PI4KA: variants seen among roughly 807,000 people sequenced by gnomAD.
The protein encoded by PI4KA is phosphatidylinositol 4-kinase alpha.
Under a neutral mutation model 271.4 loss-of-function variants are expected in PI4KA, and 122 were observed. The ratio of observed to expected loss-of-function variants is 0.45; its 90% CI spans 0.39 to 0.52. The LOEUF (loss-of-function observed/expected upper bound fraction) is 0.52, where lower values mean the gene tolerates loss of function less well. Among genes scored for constraint, PI4KA ranks in the 20% least tolerant of loss-of-function variants. The pLI, the probability that PI4KA is intolerant of heterozygous loss-of-function variation, is 0.00. For synonymous variants in PI4KA, 1,041 were observed against 1,078.8 expected, an observed-to-expected ratio of 0.96 and a Z score of 0.69; for missense variants, 1,969 against 2,769.1, an observed-to-expected ratio of 0.71 and a Z score of 6.48.
At chr22:20,752,241 C>T (rs1049292550) in intron 25 of PI4KA, among the ~76,000 whole-genome samples, 3 of 152,218 alleles carry the variant, frequency 2.0e-5, no homozygotes, top group South Asian at 2.1e-4. Flanking sequence ...CTCAGACACA[C>T]GCCACGTGTG....
Position 20,734,130 on chromosome 22 carries a change from C to T in PI4KA, c.3965G>A (p.Ser1322Asn). Residue 1322 changes from serine to asparagine, a missense_variant, in exon 34 of 55, where the codon AGC (serine) becomes AAC (asparagine). Transcript: ENST00000255882. ...CSSDQVEIFS[S>N]LLQRSMSLNI... Reference sequence around the variant, plus strand: ...CAGGGACATGGAGCGCTGCAGCAGGCTGGAGAAGATCTCCACTTGGTCAGA... The same window carrying T: ...CAGGGACATGGAGCGCTGCAGCAGGTTGGAGAAGATCTCCACTTGGTCAGA... 1 of 1,590,992 alleles carries T rather than the reference C, an allele frequency of 6.3e-7. No homozygotes were observed.
intron 45 of PI4KA, 22 bp from the exon 46 acceptor site, chr22:20,714,722 C>T: frequency 6.2e-7 from 1 of 1,611,028 alleles, no homozygotes; most frequent in Non-Finnish European, 8.5e-7. Context: ...CAGAGGCAGT[C>T]ACAGGGAGTG....
intron 19 of PI4KA, chr22:20,779,445 T>A (rs1307904948): frequency 6.2e-7 from 1 of 1,614,082 alleles, no homozygotes. Flanking sequence ...GTGGGAGCAG[T>A]TAAATAACAA....
chr22:20,768,802 G>C (rs774718630), intron 19 of PI4KA, among the ~76,000 whole-genome samples: 11 of 152,180 alleles, frequency 7.2e-5, no homozygotes, highest in Non-Finnish European at 1.6e-4. Context: ...CTGTGTGGAG[G>C]GCAGCAGCAG....
intron 18 of PI4KA, 86 bp from the exon 19 acceptor site, chr22:20,793,329 G>A: frequency 1.3e-6 from 1 of 768,462 alleles, no homozygotes; most frequent in Non-Finnish European, 2.2e-6. Flanking sequence ...ATAGTGTTAT[G>A]TAAACCTGGA....
intron 18 of PI4KA, 143 bp downstream of exon 18, chr22:20,796,003 C>A: frequency 1.3e-6 from 1 of 749,398 alleles, no homozygotes; most frequent in Non-Finnish European, 2.1e-6. Flanking sequence ...AAGAACCCCA[C>A]CCCTTCTTAC....
intron 3 of PI4KA, among the ~76,000 whole-genome samples, chr22:20,830,119 C>T (rs1015916722): frequency 1.3e-5 from 2 of 152,114 alleles, no homozygotes; most frequent in Admixed American, 1.3e-4. Context: ...CTGCTGCTTT[C>T]GAGTGGAGTG....
chr22:20,810,194 T>C (rs1601546895), intron 9 of PI4KA, among the ~76,000 whole-genome samples: 1 of 152,092 alleles, frequency 6.6e-6, no homozygotes, highest in South Asian at 2.1e-4. Context: ...CTGTAGGCCT[T>C]GGTTCCAAAT....
At chr22:20,742,176 C>T (rs1929533595) in intron 32 of PI4KA, 52 bp downstream of exon 32, 1 of 1,583,948 alleles carries the variant, frequency 6.3e-7, no homozygotes, top group African/African-American at 1.3e-5. Flanking sequence ...AAGGCTCTTC[C>T]CGTCTGTTAT....
chr22:20,710,962 C>T (rs1925197504), intron 51 of PI4KA, 104 bp from the exon 52 acceptor site: 1 of 1,281,372 alleles, frequency 7.8e-7, no homozygotes, highest in African/African-American at 1.5e-5. Context: ...AGGAGCACCC[C>T]CTCCACCCCC....
intron 8 of PI4KA, among the ~76,000 whole-genome samples, 173 bp downstream of exon 8, chr22:20,813,185 C>T (rs1312267440): frequency 6.6e-6 from 1 of 152,192 alleles, no homozygotes; most frequent in East Asian, 1.9e-4. Context: ...AACCAGTATA[C>T]AATGATTCCA....
chr22:20,805,217 C>T (rs767701598), intron 10 of PI4KA, 52 bp from the exon 11 acceptor site: 1 of 1,297,798 alleles, frequency 7.7e-7, no homozygotes, highest in South Asian at 1.2e-5. Flanking sequence ...CAGTAGAACA[C>T]AGGCAGTGCT....
chr22:20,734,299 G>C, intron 33 of PI4KA, 96 bp downstream of exon 33: 1 of 1,366,826 alleles, frequency 7.3e-7, no homozygotes, highest in Admixed American at 2.1e-5. Flanking sequence ...GGCCGAGCTT[G>C]CCGAAGGCCT....
chr22:20,833,435 C>T (rs1924444011), intron 3 of PI4KA, among the ~76,000 whole-genome samples: 1 of 152,176 alleles, frequency 6.6e-6, no homozygotes. Context: ...GGCTGCCTGC[C>T]TCTATGTGGG....
At position 20,747,552 on chromosome 22, in the gene PI4KA, G is replaced by A. The variant is rs762938395; in HGVS notation, c.3363+31C>T. 5 of 1,611,432 alleles carry A rather than the reference G, an allele frequency of 3.1e-6. No individual in the cohort carries two copies. In the South Asian group the frequency reaches 4.4e-5, roughly 14 times the overall value. ...GCACTGTGGCTCCTATGGTCTAAGG[G>A]GTCACTGCTCTTCAGAAGGCTCGCA... On this transcript the variant is annotated intron_variant, in intron 29 of 54. Transcript: ENST00000255882.
chr22:20,793,363 T>A (rs1934772652), intron 18 of PI4KA, 120 bp from the exon 19 acceptor site: 1 of 632,590 alleles, frequency 1.6e-6, no homozygotes, highest in African/African-American at 1.9e-5. Flanking sequence ...AGAGAAATGA[T>A]GAGAGATATG....
intron 3 of PI4KA, among the ~76,000 whole-genome samples, 160 bp from the exon 4 acceptor site, chr22:20,824,574 G>A (rs1340281414): frequency 6.6e-6 from 1 of 152,098 alleles, no homozygotes; most frequent in African/African-American, 2.4e-5. Context: ...ACAGCTATGG[G>A]CCCAATGAGT....
At chr22:20,806,042 CA>C (rs1175681246) in intron 10 of PI4KA, among the ~76,000 whole-genome samples, 1 of 152,066 alleles carries the variant, frequency 6.6e-6, no homozygotes. Flanking sequence ...CAACACACAG[CA>C]GGGGTGGTGG....
At chr22:20,809,054 C>A (rs1209338622) in intron 9 of PI4KA, among the ~76,000 whole-genome samples, 1 of 152,136 alleles carries the variant, frequency 6.6e-6, no homozygotes, top group Non-Finnish European at 1.5e-5. Flanking sequence ...GTTGACAGCA[C>A]TGCAATGATG....
Sources: allele counts gnomAD v4.1 joint callset (sites outside exome capture counted in the v4.1 genomes callset), GRCh38; gene constraint gnomAD v4.1.1; transcripts MANE v1.5; gene names NCBI Gene and HGNC (gene_info 2026-07-23, HGNC 2026-07-21).